The following LATS2 variants were observed in gnomAD, a reference collection of about 807,000 sequenced individuals.
LATS2 encodes serine/threonine-protein kinase LATS2.
Under a neutral mutation model 76.0 loss-of-function variants are expected in LATS2, and 24 were observed. The observed-to-expected ratio is 0.32, with a 90% CI of 0.23 to 0.44. The LOEUF (loss-of-function observed/expected upper bound fraction) is 0.44, where lower values mean the gene tolerates loss of function less well. LATS2 is among the 20% of genes least tolerant of loss of function. The pLI is 1.00. For missense variants in LATS2, 1,286 were observed against 1,481.2 expected (o/e 0.87, Z 2.16); for synonymous variants, 692 against 635.4 (o/e 1.09, Z -1.34).
intron 2 of LATS2, among the ~76,000 whole-genome samples, chr13:21,037,801 G>A (rs1257025462): frequency 6.6e-6 from 1 of 152,098 alleles, no homozygotes; most frequent in Non-Finnish European, 1.5e-5. Flanking sequence ...AGAGTGGGCA[G>A]GGCCAGGGTG....
rs11842208 is a variant in LATS2 at position 21,047,851 on chromosome 13, G to T, written c.-204-1621C>A. On this transcript the variant is annotated intron_variant, in intron 1 of 7. Transcript: ENST00000382592. ...CATTTGAATTCCTAGTCCTTGCTTA[G>T]ATGGGAAGGGGATTGTAAGCGTTTT... 8.9e-3 allele frequency among the ~76,000 whole-genome samples: 1,348 copies of T among 152,278 alleles called. 33 individuals are homozygous for T. Among genetic ancestry groups the T allele is most frequent in the African/African-American group, 0.031 (1,287 of 41,540 alleles).
At chr13:20,979,163 T>C (rs1245905436) in intron 7 of LATS2, among the ~76,000 whole-genome samples, 1 of 152,240 alleles carries the variant, frequency 6.6e-6, no homozygotes. Flanking sequence ...CAGGATCTAA[T>C]ACATATAAAA....
intron 2 of LATS2, among the ~76,000 whole-genome samples, chr13:21,032,678 C>G (rs560310012): frequency 7.2e-5 from 11 of 152,246 alleles, no homozygotes; most frequent in East Asian, 5.8e-4. Flanking sequence ...ATTGGACACC[C>G]CTAAATAATC....
chr13:21,033,095 G>C (rs1872586474), intron 2 of LATS2, among the ~76,000 whole-genome samples: 1 of 151,924 alleles, frequency 6.6e-6, no homozygotes, highest in Non-Finnish European at 1.5e-5. Context: ...TAGTAGAGCA[G>C]GGTGTTAGCA....
chr13:20,988,506 G>A lies in LATS2; in HGVS notation c.1274C>T (p.Ser425Phe). 1 of 1,556,554 alleles carries A rather than the reference G, an allele frequency of 6.4e-7. No homozygotes were observed. Among genetic ancestry groups the A allele is most frequent in the African/African-American group, 1.3e-5 (1 of 74,138 alleles). Residue 425 changes from serine (S) to phenylalanine (F), a missense_variant, in exon 4 of 8, where the codon TCC becomes TTC. By Grantham distance (155) the Ser-to-Phe change is radical (BLOSUM62 -2). Coordinates refer to ENST00000382592, the MANE Select transcript of LATS2 (RefSeq NM_014572.3). ...RPGPPGKAEP[S>F]LPAPNTVTAV... is the part of the protein sequence containing the mutation. Reference sequence around the variant, plus strand: ...CGTCACGGTGTTGGGGGCGGGCAGGGAGGGCTCGGCCTTGCCAGGCGGACC... The same window carrying A: ...CGTCACGGTGTTGGGGGCGGGCAGGAAGGGCTCGGCCTTGCCAGGCGGACC...
At chr13:21,049,947 G>A (rs185716714) in intron 1 of LATS2, among the ~76,000 whole-genome samples, 57 of 151,994 alleles carry the variant, frequency 3.8e-4, no homozygotes, top group African/African-American at 1.3e-3. Flanking sequence ...ACAGTGAAAC[G>A]CTGTCTCTAC....
intron 2 of LATS2, among the ~76,000 whole-genome samples, chr13:21,042,477 T>A (rs1872910891): frequency 6.6e-6 from 1 of 152,118 alleles, no homozygotes; most frequent in Admixed American, 6.5e-5. Flanking sequence ...CGCTTGAGTC[T>A]GGAAGTTCCA....
At chr13:21,060,187 G>C (rs1226299603) in intron 1 of LATS2, among the ~76,000 whole-genome samples, 2 of 152,136 alleles carry the variant, frequency 1.3e-5, no homozygotes, top group African/African-American at 4.8e-5. Flanking sequence ...GGACACTGGA[G>C]ACTTGCATTT....
At chr13:20,989,398 G>A (rs2138292646) in intron 3 of LATS2, 94 bp from the exon 4 acceptor site, 2 of 1,327,204 alleles carry the variant, frequency 1.5e-6, no homozygotes, top group Admixed American at 1.9e-5. Flanking sequence ...CGCTGCCCTC[G>A]GGGCTGAGGG....
chr13:20,975,120 T>C lies in LATS2; in HGVS notation c.3017A>G (p.Asp1006Gly), dbSNP rs147628171. Residue 1006 changes from aspartate (D) to glycine (G), a missense_variant, in exon 8 of 8, where the codon GAT (aspartate) becomes GGT (glycine). Transcript: ENST00000382592. ...PMDTSNFDPV[D>G]EESPWNDASE... Reference sequence around the variant, plus strand: ...GGCATCGTTCCAAGGGCTTTCTTCATCTACGGGGTCGAAATTCGAGGTGTC... The same window carrying C: ...GGCATCGTTCCAAGGGCTTTCTTCACCTACGGGGTCGAAATTCGAGGTGTC... 6.6e-5 allele frequency: 106 copies of C among 1,614,228 alleles called. No homozygotes were observed. The African/African-American group carries it at 1.2e-3, about 19-fold the overall frequency.
At chr13:21,059,732 G>C (rs1419933094) in intron 1 of LATS2, among the ~76,000 whole-genome samples, 1 of 152,204 alleles carries the variant, frequency 6.6e-6, no homozygotes, top group Non-Finnish European at 1.5e-5. Context: ...CTGGGAGACG[G>C]AGGCAGGTGG....
chr13:21,007,059 G>A (rs780372533), intron 2 of LATS2, among the ~76,000 whole-genome samples: 6 of 152,010 alleles, frequency 3.9e-5, no homozygotes, highest in Admixed American at 6.6e-5. Flanking sequence ...AAGGTAATTC[G>A]GTAAAGTATA....
intron 1 of LATS2, among the ~76,000 whole-genome samples, chr13:21,059,460 G>A (rs922379868): frequency 1.3e-5 from 2 of 152,116 alleles, no homozygotes; most frequent in Non-Finnish European, 2.9e-5. Flanking sequence ...AGCCGGGCGT[G>A]GTGGCACACG....
chr13:21,005,901 G>A (rs1227080558), intron 2 of LATS2, among the ~76,000 whole-genome samples: 2 of 151,930 alleles, frequency 1.3e-5, no homozygotes, highest in African/African-American at 4.8e-5. Context: ...ATCACCTGAG[G>A]TCAGGAGTTC....
At chr13:20,998,769 C>T (rs928001272) in intron 2 of LATS2, among the ~76,000 whole-genome samples, 5 of 140,420 alleles carry the variant, frequency 3.6e-5, no homozygotes, top group African/African-American at 1.3e-4. Flanking sequence ...GGCCCGACAA[C>T]CTTGGGCTGG....
At chr13:21,049,455 C>T (rs1490932423) in intron 1 of LATS2, among the ~76,000 whole-genome samples, 1 of 152,180 alleles carries the variant, frequency 6.6e-6, no homozygotes, top group African/African-American at 2.4e-5. Flanking sequence ...GCATATGGGA[C>T]ATTTGCCCGG....
rs1420607635 is a variant in LATS2, at chr13:21,007,765, T to A, written c.343-16361A>T. ...ATATATATATATATATATATATTTT[T>A]TTTTTTTTTTTGAGATGGAGTCTTG... On this transcript the variant is annotated intron_variant, in intron 2 of 7. Transcript: ENST00000382592. Among the ~76,000 whole-genome samples the A allele has an allele frequency of 1.1e-3, 57 of 50,894 alleles. 4 individuals carry two copies. Among genetic ancestry groups the A allele is most frequent in the African/African-American group, 3.9e-3 (51 of 13,212 alleles). 33.4% of individuals were successfully genotyped at this position (50,894 alleles called of 152,430 possible).
At chr13:21,059,282 A>AT (rs1214546821) in intron 1 of LATS2, among the ~76,000 whole-genome samples, 3 of 152,230 alleles carry the variant, frequency 2.0e-5, no homozygotes, top group African/African-American at 4.8e-5. Flanking sequence ...AGGTGAAATA[A>AT]TTTTTTTAAT....
rs538137547 is a variant in LATS2, at chr13:21,045,628, T to G, written c.342+57A>C. 3.4e-5 allele frequency: 47 copies of G among 1,381,602 alleles called. No individual in the cohort carries two copies. The East Asian group carries it at 1.1e-3, about 31-fold the overall frequency. 85.6% of individuals were successfully genotyped at this position (1,381,602 alleles called of 1,614,324 possible). On this transcript the variant is annotated intron_variant, in intron 2 of 7. Transcript: ENST00000382592. ...CAAGTAGTTGCCAAACCATTCTGAC[T>G]GCCCCAGCTGTCCCATAGCTGCCTC... is the stretch of plus-strand genomic sequence containing the variant.
Sources: allele counts gnomAD v4.1 joint callset (sites outside exome capture counted in the v4.1 genomes callset), GRCh38; gene constraint gnomAD v4.1.1; transcripts MANE v1.5; gene names NCBI Gene and HGNC (gene_info 2026-07-23, HGNC 2026-07-21).